Variants in GRIA3 observed in about 807,000 individuals in gnomAD.
GRIA3 encodes the protein glutamate ionotropic receptor AMPA type subunit 3.
A neutral mutation model predicts 63.0 loss-of-function variants in GRIA3; 3 were observed. That is an observed-to-expected ratio of 0.05 (90% CI 0.02 to 0.12). The LOEUF (loss-of-function observed/expected upper bound fraction) is 0.12, where lower values mean the gene tolerates loss of function less well. GRIA3 is among the 10% of genes least tolerant of loss of function. The pLI is 1.00. For missense variants in GRIA3, 347 were observed against 700.9 expected (o/e 0.50, Z 5.70); for synonymous variants, 274 against 257.9 (o/e 1.06, Z -0.60).
At chrX:123,391,923 T>C (rs774400229) in intron 5 of GRIA3, among the ~76,000 whole-genome samples, 1 of 111,287 alleles carries the variant, frequency 9.0e-6, no homozygotes, top group Non-Finnish European at 1.9e-5. Context: ...CCAACGGTGG[T>C]GAATGGGGCA....
rs2044797357 is a variant in GRIA3 at position 123,312,078 on chromosome X, C to G, written c.509-13948C>G. Among the ~76,000 whole-genome samples, 5 of 112,023 alleles carry G rather than the reference C, an allele frequency of 4.5e-5. No individual in the cohort carries two copies. In the Admixed American group the frequency reaches 4.7e-4, roughly 11 times the overall value. On this transcript the variant is annotated intron_variant, in intron 3 of 15. Transcript: ENST00000620443. ...ATGTGTATACATTGTTAGCTCTGTA[C>G]TCAGCCCAAAGTAGACAATAAATGT...
chrX:123,387,810 A>G (rs2045361845), intron 5 of GRIA3, among the ~76,000 whole-genome samples: 1 of 112,278 alleles, frequency 8.9e-6, no homozygotes, highest in African/African-American at 3.2e-5. Context: ...TCTTTTGGAT[A>G]GATTGTAGGA....
rs1421452553 is a variant in GRIA3, at chrX:123,184,367, C to T, written c.-169C>T. On this transcript the variant is annotated 5_prime_UTR_variant, in exon 1 of 16. Transcript: ENST00000620443. Reference sequence around the variant, plus strand: ...GAAGAAGAGGAAGAAGAGGAGGCGGCGGCAGCGGAGGAGGAGGAGGACTAG... The same window carrying T: ...GAAGAAGAGGAAGAAGAGGAGGCGGTGGCAGCGGAGGAGGAGGAGGACTAG... The T allele has an allele frequency of 2.1e-5, 10 of 485,279 alleles. No homozygotes were observed. Among genetic ancestry groups the T allele is most frequent in the Non-Finnish European group, 2.9e-5 (8 of 272,626 alleles). 40.0% of individuals were successfully genotyped at this position (485,279 alleles called of 1,213,427 possible).
intron 3 of GRIA3, among the ~76,000 whole-genome samples, chrX:123,305,916 G>A (rs138113971): frequency 0.032 from 3,571 of 111,976 alleles, 77 homozygotes; most frequent in East Asian, 0.17. Flanking sequence ...CTGAAGATGG[G>A]AGGTGGTGGG....
chrX:123,408,233 C>T (rs1197836320), intron 10 of GRIA3, among the ~76,000 whole-genome samples: 2 of 111,441 alleles, frequency 1.8e-5, no homozygotes, highest in African/African-American at 3.3e-5. Flanking sequence ...CCTAAAGTGC[C>T]GGGATTACAG....
Position 123,184,341 on chromosome X carries a change from A to AGAAGAAGAG in GRIA3, c.-183_-175dup. 6.5e-6 allele frequency: 3 copies of AGAAGAAGAG among 464,080 alleles called. No individual in the cohort carries two copies. Among genetic ancestry groups the AGAAGAAGAG allele is most frequent in the East Asian group, 3.8e-5 (1 of 26,659 alleles). The allele number at this position is 464,080 out of a possible 1,213,427, so 38.2% of individuals were successfully genotyped here. Reference sequence around the variant, plus strand: ...ATAAGAGAGAGAGTAAGAGGGAGAGAGAAGAAGAGGAAGAAGAGGAGGCGG... The same window carrying AGAAGAAGAG: ...ATAAGAGAGAGAGTAAGAGGGAGAGAGAAGAAGAGGAAGAAGAGGAAGAAGAGGAGGCGG... On this transcript the variant is annotated 5_prime_UTR_variant, in exon 1 of 16. Coordinates refer to ENST00000620443, the MANE Select transcript of GRIA3 (RefSeq NM_007325.5).
intron 11 of GRIA3, among the ~76,000 whole-genome samples, chrX:123,418,233 T>C (rs1603144373): frequency 1.8e-5 from 2 of 111,516 alleles, no homozygotes; most frequent in South Asian, 7.6e-4. Flanking sequence ...CCTCCCTTTT[T>C]CATTTTGCTC....
chrX:123,255,230 A>G (rs2044412969), intron 3 of GRIA3, among the ~76,000 whole-genome samples: 1 of 111,597 alleles, frequency 9.0e-6, no homozygotes, highest in African/African-American at 3.3e-5. Context: ...AAGATAGATA[A>G]GTTGTGGGTT....
intron 2 of GRIA3, among the ~76,000 whole-genome samples, chrX:123,250,499 T>C (rs1044791971): frequency 8.9e-5 from 10 of 111,898 alleles, no homozygotes; most frequent in African/African-American, 3.3e-4. Flanking sequence ...ATATTCCCCC[T>C]CAATTATTGC....
chrX:123,334,405 C>T lies in GRIA3; in HGVS notation c.696+8192C>T, dbSNP rs554660802. On this transcript the variant is annotated intron_variant, in intron 4 of 15. Coordinates refer to ENST00000620443, the MANE Select transcript of GRIA3 (RefSeq NM_007325.5). ...CTGGTCATACCTCACACTAGACTGG[C>T]TAGACTGGCTTTGTGACTGTTTAGA... Among the ~76,000 whole-genome samples the T allele has an allele frequency of 1.0e-3, 111 of 111,241 alleles. 1 individual carries two copies. The highest frequency in any genetic ancestry group is 4.7e-3 in the Middle Eastern group (1 of 215).
chrX:123,415,914 A>G (rs1321057311), intron 10 of GRIA3, among the ~76,000 whole-genome samples: 1 of 112,114 alleles, frequency 8.9e-6, no homozygotes, highest in African/African-American at 3.2e-5. Context: ...GCTAAGGTTG[A>G]TAATTGCATA....
chrX:123,337,016 G>A (rs113079398), intron 4 of GRIA3, among the ~76,000 whole-genome samples: 18 of 111,936 alleles, frequency 1.6e-4, no homozygotes, highest in African/African-American at 5.5e-4. Flanking sequence ...CTGAGCTTGA[G>A]ACTCAAAAGG....
At chrX:123,419,133 C>T (rs1353786350) in intron 11 of GRIA3, among the ~76,000 whole-genome samples, 7 of 112,026 alleles carry the variant, frequency 6.2e-5, no homozygotes, top group Non-Finnish European at 5.6e-5. Context: ...CTGGGCCGGG[C>T]GCGGTGATTC....
intron 3 of GRIA3, among the ~76,000 whole-genome samples, chrX:123,317,763 C>T (rs1182481563): frequency 8.9e-6 from 1 of 111,802 alleles, no homozygotes; most frequent in Non-Finnish European, 1.9e-5. Context: ...ACGGTGCAAG[C>T]TGTCAGTGGA....
intron 5 of GRIA3, among the ~76,000 whole-genome samples, chrX:123,355,865 T>A (rs1248397798): frequency 1.8e-5 from 2 of 111,915 alleles, no homozygotes; most frequent in Non-Finnish European, 3.8e-5. Context: ...GTTTTCATAA[T>A]GAATATTTTT....
chrX:123,274,453 G>C (rs1374237553), intron 3 of GRIA3, among the ~76,000 whole-genome samples: 1 of 111,779 alleles, frequency 8.9e-6, no homozygotes, highest in African/African-American at 3.3e-5. Context: ...CATGAGACTG[G>C]TCTTACCTAG....
At chrX:123,198,800 G>T (rs1012216785) in intron 2 of GRIA3, among the ~76,000 whole-genome samples, 2 of 111,952 alleles carry the variant, frequency 1.8e-5, no homozygotes, top group Non-Finnish European at 3.8e-5. Context: ...GGGTAAAGCA[G>T]CATGGATAGT....
At chrX:123,340,924 G>C (rs1204575275) in intron 4 of GRIA3, among the ~76,000 whole-genome samples, 1 of 112,076 alleles carries the variant, frequency 8.9e-6, no homozygotes, top group African/African-American at 3.2e-5. Flanking sequence ...CAGGGAGCCA[G>C]AGCTTTTTGT....
chrX:123,465,530 AC>A (rs1405256579), intron 13 of GRIA3: 2 of 519,649 alleles, frequency 3.8e-6, no homozygotes, highest in South Asian at 2.7e-5. Flanking sequence ...CCAATATTTA[AC>A]CCTGTATTTG....
Sources: gnomAD v4.1 joint callset for allele counts (sites outside exome capture counted in the v4.1 genomes callset) on GRCh38, gnomAD v4.1.1 for gene constraint, MANE v1.5 for transcripts, NCBI Gene and HGNC (gene_info 2026-07-23, HGNC 2026-07-21) for gene names.